Variants in CWC27 observed in about 807,000 individuals in gnomAD.
The protein encoded by CWC27 is spliceosome-associated protein CWC27 homolog.
In CWC27, 47 loss-of-function variants were observed where a neutral mutation model predicts 63.6. The ratio of observed to expected loss-of-function variants is 0.74; its 90% CI spans 0.58 to 0.94. The LOEUF is 0.94. Ranked by LOEUF, CWC27 falls within the 40% of genes least tolerant of loss-of-function variation. The pLI, the probability that CWC27 is intolerant of heterozygous loss-of-function variation, is 0.00. For synonymous variants in CWC27, 175 were observed against 179.8 expected (o/e 0.97, Z 0.22); for missense variants, 495 against 554.3 (o/e 0.89, Z 1.07).
At chr5:64,825,351 T>C (rs1295770247) in intron 10 of CWC27, among the ~76,000 whole-genome samples, 1 of 152,218 alleles carries the variant, frequency 6.6e-6, no homozygotes, top group African/African-American at 2.4e-5. Context: ...AGGGTGCATC[T>C]AGGTCTCAAC....
chr5:64,876,637 T>C (rs974697408), intron 10 of CWC27, among the ~76,000 whole-genome samples: 5 of 152,112 alleles, frequency 3.3e-5, no homozygotes, highest in Admixed American at 2.6e-4. Context: ...GTCTTGATAA[T>C]CTTCATCAAT....
chr5:64,953,643 A>G (rs1008960062), intron 11 of CWC27, among the ~76,000 whole-genome samples: 30 of 152,108 alleles, frequency 2.0e-4, no homozygotes, highest in Admixed American at 3.9e-4. Context: ...TCCTTCTACA[A>G]TAAAGGATTA....
chr5:64,904,378 T>A (rs1267899564), intron 11 of CWC27, among the ~76,000 whole-genome samples: 7 of 152,228 alleles, frequency 4.6e-5, no homozygotes, highest in Admixed American at 2.0e-4. Flanking sequence ...CTTATGAGGC[T>A]GTAGGCAAAA....
At chr5:64,940,051 G>A (rs546132452) in intron 11 of CWC27, among the ~76,000 whole-genome samples, 4 of 152,330 alleles carry the variant, frequency 2.6e-5, no homozygotes, top group South Asian at 4.1e-4. Context: ...AGCTTGCTGG[G>A]CTCTGTGGGG....
chr5:64,951,453 C>A (rs1433619), intron 11 of CWC27, among the ~76,000 whole-genome samples: 68,836 of 151,654 alleles, frequency 0.45, 15,783 homozygotes, highest in African/African-American at 0.49. Context: ...TATATTCTAG[C>A]TACAAGTCCT....
chr5:64,997,696 T>C (rs1355393975), intron 13 of CWC27, among the ~76,000 whole-genome samples: 1 of 152,138 alleles, frequency 6.6e-6, no homozygotes, highest in Non-Finnish European at 1.5e-5. Context: ...ATTAATGAAC[T>C]GTAGGCTTTT....
chr5:64,992,593 G>A (rs564643778), intron 13 of CWC27, among the ~76,000 whole-genome samples: 13 of 151,168 alleles, frequency 8.6e-5, no homozygotes, highest in South Asian at 2.1e-4. Context: ...GTGCAGTGGC[G>A]CTATCTCGGT....
rs1744776908 is a variant in CWC27 at position 64,808,785 on chromosome 5, AGTGGTTT to A, written c.938+4400_938+4406del. On this transcript the variant is annotated intron_variant, in intron 10 of 13. Coordinates refer to ENST00000381070, the MANE Select transcript of CWC27 (RefSeq NM_005869.4). ...TTAATTAATTATGTTCCATTATAGG[AGTGGTTT>A]TCACTCCTAACCGCACATTAGGCTC... Among the ~76,000 whole-genome samples the A allele has an allele frequency of 3.3e-5, 5 of 152,288 alleles. No homozygotes were observed. In the South Asian group the frequency reaches 1.0e-3, roughly 32 times the overall value.
chr5:64,920,250 T>A (rs1477796943), intron 11 of CWC27, among the ~76,000 whole-genome samples: 1 of 152,188 alleles, frequency 6.6e-6, no homozygotes, highest in East Asian at 1.9e-4. Context: ...ATTACAGGTG[T>A]GAGCCACCAC....
intron 12 of CWC27, among the ~76,000 whole-genome samples, chr5:64,973,638 T>C (rs554657378): frequency 6.6e-6 from 1 of 152,332 alleles, no homozygotes; most frequent in East Asian, 1.9e-4. Context: ...CTGCCCAGTG[T>C]CTTCTCTAGC....
At chr5:64,844,124 A>G (rs913537396) in intron 10 of CWC27, among the ~76,000 whole-genome samples, 4 of 151,306 alleles carry the variant, frequency 2.6e-5, no homozygotes, top group African/African-American at 9.9e-5. Context: ...ACAACACCAG[A>G]TGGAGATTTT....
chr5:64,785,486 AG>A lies in CWC27; in HGVS notation c.406del (p.Asp136IlefsTer12). The A allele has an allele frequency of 7.1e-7, 1 of 1,409,598 alleles. No homozygotes were observed. Among genetic ancestry groups the A allele is most frequent in the Non-Finnish European group, 9.3e-7 (1 of 1,071,890 alleles). 87.3% of individuals were successfully genotyped at this position (1,409,598 alleles called of 1,614,324 possible). On this transcript the variant is annotated frameshift_variant, in exon 5 of 14. Coordinates refer to ENST00000381070, the MANE Select transcript of CWC27 (RefSeq NM_005869.4). LOFTEE classifies it high-confidence loss of function. ...NKHTIFGKVT[G>X]DTVYNMLRLS... ...TTATATTTTTAATTTGATAGGTTAC[AG>A]GGGATACAGTATATAACATGTTGCG...
chr5:64,928,962 G>C (rs1416621548), intron 11 of CWC27, among the ~76,000 whole-genome samples: 1 of 149,718 alleles, frequency 6.7e-6, no homozygotes, highest in Non-Finnish European at 1.5e-5. Flanking sequence ...AGTAGGCTTT[G>C]TCTTTTTTTT....
At chr5:64,919,940 T>A (rs999687332) in intron 11 of CWC27, among the ~76,000 whole-genome samples, 1 of 152,230 alleles carries the variant, frequency 6.6e-6, no homozygotes, top group Non-Finnish European at 1.5e-5. Flanking sequence ...GTGGGATTGC[T>A]GGGTCAAATT....
intron 11 of CWC27, among the ~76,000 whole-genome samples, chr5:64,930,588 A>G (rs183049819): frequency 1.3e-5 from 2 of 152,186 alleles, no homozygotes; most frequent in East Asian, 3.8e-4. Flanking sequence ...GAAAATCACC[A>G]TTGTCATAGT....
intron 4 of CWC27, among the ~76,000 whole-genome samples, chr5:64,784,425 A>G (rs1743810010): frequency 6.6e-6 from 1 of 152,212 alleles, no homozygotes; most frequent in South Asian, 2.1e-4. Context: ...TACCTATTTA[A>G]TCCTGCTCAC....
chr5:64,898,931 TGAG>T (rs1688404229), intron 11 of CWC27, among the ~76,000 whole-genome samples: 1 of 152,146 alleles, frequency 6.6e-6, no homozygotes, highest in African/African-American at 2.4e-5. Context: ...ACTTCATCTT[TGAG>T]GAGATGACCC....
intron 13 of CWC27, among the ~76,000 whole-genome samples, chr5:65,002,071 A>G (rs1452522367): frequency 6.6e-6 from 1 of 152,014 alleles, no homozygotes. Flanking sequence ...GAATTTATTC[A>G]TATTTTCTGT....
chr5:64,788,930 T>C (rs1743978536), intron 6 of CWC27, 21 bp from the exon 7 acceptor site: 5 of 1,454,986 alleles, frequency 3.4e-6, no homozygotes, highest in Non-Finnish European at 3.8e-6. Context: ...TTTTTTTTTT[T>C]CTTTCTTTTT....
Sources: gnomAD v4.1 joint callset for allele counts (sites outside exome capture counted in the v4.1 genomes callset) on GRCh38, gnomAD v4.1.1 for gene constraint, MANE v1.5 for transcripts, NCBI Gene and HGNC (gene_info 2026-07-23, HGNC 2026-07-21) for gene names.